Variants in TRHDE observed in about 807,000 individuals in gnomAD.
TRHDE encodes the protein thyrotropin releasing hormone degrading enzyme, also known as thyrotropin-releasing hormone-degrading ectoenzyme.
A neutral mutation model predicts 125.7 loss-of-function variants in TRHDE; 72 were observed. That is an observed-to-expected ratio of 0.57 (90% CI 0.47 to 0.70). The LOEUF (loss-of-function observed/expected upper bound fraction) is 0.70. Among genes scored for constraint, TRHDE ranks in the 30% least tolerant of loss-of-function variants. The pLI is 0.00. For synonymous variants in TRHDE, 509 were observed against 509.1 expected (o/e 1.00, Z 0.00); for missense variants, 1,110 against 1,327.1 (o/e 0.84, Z 2.54).
chr12:72,105,197 A>G (rs1430634526), intron 1 of TRHDE, among the ~76,000 whole-genome samples: 1 of 152,212 alleles, frequency 6.6e-6, no homozygotes, highest in African/African-American at 2.4e-5. Context: ...GTACATGGTT[A>G]AAATTCTGGG....
intron 2 of TRHDE, among the ~76,000 whole-genome samples, chr12:72,109,110 T>C (rs1244090899): frequency 6.6e-6 from 1 of 152,092 alleles, no homozygotes; most frequent in Non-Finnish European, 1.5e-5. Flanking sequence ...CAAATGTTTG[T>C]TGATTGCCTA....
At chr12:72,140,987 A>T (rs569600622) in intron 2 of TRHDE, among the ~76,000 whole-genome samples, 1 of 150,386 alleles carries the variant, frequency 6.6e-6, no homozygotes, top group East Asian at 2.0e-4. Context: ...CAAAAGCTTT[A>T]TTTTTTTTTT....
At chr12:72,563,197 C>T (rs538252668) in intron 9 of TRHDE, among the ~76,000 whole-genome samples, 157 bp downstream of exon 9, 1 of 152,136 alleles carries the variant, frequency 6.6e-6, no homozygotes, top group East Asian at 1.9e-4. Context: ...TCTCCTTTTA[C>T]TCCCATTTCC....
rs959203676 is a variant in TRHDE at position 72,485,491 on chromosome 12, C to G, written c.1584+12311C>G. 2.6e-5 allele frequency among the ~76,000 whole-genome samples: 4 copies of G among 152,156 alleles called. No homozygotes were observed. In the South Asian group the frequency reaches 8.3e-4, roughly 32 times the overall value. On this transcript the variant is annotated intron_variant, in intron 5 of 18. Transcript: ENST00000261180. ...GAAGTAGCACTCCAGCCCCTGGGGACCTCAGGCCTCCTGCACACCAGAGCA... is the reference window on the plus strand; with the variant it reads ...GAAGTAGCACTCCAGCCCCTGGGGAGCTCAGGCCTCCTGCACACCAGAGCA...
intron 2 of TRHDE, among the ~76,000 whole-genome samples, chr12:72,288,813 A>G (rs1879986956): frequency 6.6e-6 from 1 of 152,178 alleles, no homozygotes; most frequent in Non-Finnish European, 1.5e-5. Flanking sequence ...AAGAATCTCT[A>G]AGTAATTAGT....
At chr12:72,129,961 AAAT>A (rs1460531550) in intron 2 of TRHDE, among the ~76,000 whole-genome samples, 2 of 152,338 alleles carry the variant, frequency 1.3e-5, no homozygotes, top group African/African-American at 2.4e-5. Flanking sequence ...AAGGGACATG[AAAT>A]AATAATAAAT....
At chr12:72,473,800 T>A (rs1321532615) in intron 5 of TRHDE, among the ~76,000 whole-genome samples, 1 of 152,026 alleles carries the variant, frequency 6.6e-6, no homozygotes, top group African/African-American at 2.4e-5. Context: ...TTATATCAGT[T>A]TTTCATTTTA....
intron 12 of TRHDE, among the ~76,000 whole-genome samples, chr12:72,591,632 G>GTTTTTTT (rs71071842): frequency 0.036 from 4,504 of 124,726 alleles, 152 homozygotes; most frequent in East Asian, 0.14. Context: ...AAGGATATGG[G>GTTTTTTT]TTTTTTTTTT....
rs150751279 is a variant in TRHDE at position 72,237,373 on chromosome 12, G to C, written n.279+131621G>C. 3.3e-5 allele frequency among the ~76,000 whole-genome samples: 5 copies of C among 152,312 alleles called. No homozygotes were observed. The South Asian group carries it at 1.0e-3, about 32-fold the overall frequency. On this transcript the variant is annotated intron_variant and non_coding_transcript_variant, in intron 2 of 4. Coordinates refer to the TRHDE transcript ENST00000548156. ...AAAATTGCAGAGAGCTTATCAAAGT[G>C]CTGAATCAGAGACTCAATGTATAGA...
At chr12:72,539,052 T>C (rs1869011831) in intron 6 of TRHDE, among the ~76,000 whole-genome samples, 1 of 151,932 alleles carries the variant, frequency 6.6e-6, no homozygotes, top group South Asian at 2.1e-4. Context: ...TCTATTCCTG[T>C]CATAACATGC....
At chr12:72,504,610 G>T (rs531930473) in intron 6 of TRHDE, among the ~76,000 whole-genome samples, 2 of 152,094 alleles carry the variant, frequency 1.3e-5, no homozygotes. Flanking sequence ...ACAGAAATTT[G>T]TATTTTATCC....
chr12:72,237,418 G>A (rs1592494766), intron 2 of TRHDE, among the ~76,000 whole-genome samples: 2 of 152,124 alleles, frequency 1.3e-5, no homozygotes, highest in African/African-American at 2.4e-5. Context: ...AACCATTTAG[G>A]AGCAAACCAT....
intron 1 of TRHDE, among the ~76,000 whole-genome samples, chr12:72,275,434 C>A (rs12229324): frequency 1.3e-5 from 2 of 151,888 alleles, no homozygotes; most frequent in African/African-American, 2.4e-5. Context: ...TATTTTAAAC[C>A]CCCTTCTACC....
At chr12:72,320,543 C>CTGTGTGTGTGTGTG (rs59244019) in intron 2 of TRHDE, among the ~76,000 whole-genome samples, 90 of 143,172 alleles carry the variant, frequency 6.3e-4, no homozygotes, top group Non-Finnish European at 1.1e-3. Context: ...AGAGGGTTGA[C>CTGTGTGTGTGTGTG]TGTGTGTGTG....
At chr12:72,610,111 A>C (rs1172039742) in intron 12 of TRHDE, among the ~76,000 whole-genome samples, 1 of 152,220 alleles carries the variant, frequency 6.6e-6, no homozygotes, top group Non-Finnish European at 1.5e-5. Flanking sequence ...TCCTGTACAT[A>C]AAGTATATAT....
rs1054836159 is a variant in TRHDE, at chr12:72,542,445, C to T, written c.1788+89C>T. The T allele has an allele frequency of 2.0e-5, 22 of 1,095,360 alleles. 1 individual carries two copies. Among genetic ancestry groups the T allele is most frequent in the Admixed American group, 2.3e-5 (1 of 43,268 alleles). The allele number at this position is 1,095,360 out of a possible 1,614,324, so 67.9% of individuals were successfully genotyped here. A position where few individuals can be genotyped will look rare whatever the true frequency, so the allele number is the denominator to read the frequency against. On this transcript the variant is annotated intron_variant, in intron 7 of 18. Transcript: ENST00000261180. ...AAATGGCTAATACAAAATTGCTGAA[C>T]TTGGTGGAAAACTTTAAGATGTGTA... is the stretch of plus-strand genomic sequence containing the variant.
intron 17 of TRHDE, among the ~76,000 whole-genome samples, chr12:72,654,380 C>T (rs1056663078): frequency 1.3e-5 from 2 of 152,122 alleles, no homozygotes; most frequent in Admixed American, 1.3e-4. Context: ...TTCACTGGCT[C>T]CTGCTCCTCT....
At chr12:72,341,495 A>G (rs886290771) in intron 2 of TRHDE, among the ~76,000 whole-genome samples, 4 of 152,130 alleles carry the variant, frequency 2.6e-5, no homozygotes, top group Non-Finnish European at 5.9e-5. Context: ...TCTAACTGGC[A>G]TATCATATTA....
At chr12:72,108,395 C>T (rs1875237858) in intron 2 of TRHDE, among the ~76,000 whole-genome samples, 1 of 151,996 alleles carries the variant, frequency 6.6e-6, no homozygotes, top group Non-Finnish European at 1.5e-5. Flanking sequence ...CATATGTTGA[C>T]AGAATAGTTA....
Sources: allele counts gnomAD v4.1 joint callset (sites outside exome capture counted in the v4.1 genomes callset), GRCh38; gene constraint gnomAD v4.1.1; transcripts MANE v1.5; gene names NCBI Gene and HGNC (gene_info 2026-07-23, HGNC 2026-07-21).